FOXO3: variants seen among roughly 807,000 people sequenced by gnomAD.
FOXO3 encodes forkhead box O3.
In FOXO3, 4 loss-of-function variants were observed where a neutral mutation model predicts 41.9. The observed-to-expected ratio is 0.10, with a 90% CI of 0.05 to 0.22. FOXO3 has a LOEUF of 0.22. Ranked by LOEUF, FOXO3 falls within the 10% of genes least tolerant of loss-of-function variation. The pLI, the probability that FOXO3 is intolerant of heterozygous loss-of-function variation, is 1.00. For synonymous variants in FOXO3, 318 were observed against 389.3 expected (o/e 0.82, Z 2.16); for missense variants, 534 against 906.8 (o/e 0.59, Z 5.28).
At chr6:108,570,612 G>A (rs183603071) in intron 1 of FOXO3, among the ~76,000 whole-genome samples, 2 of 152,278 alleles carry the variant, frequency 1.3e-5, no homozygotes, top group African/African-American at 2.4e-5. Flanking sequence ...ATAAACATGA[G>A]CCCCTGCAAC....
At chr6:108,656,498 C>T (rs1778692822) in intron 1 of FOXO3, 1 of 985,414 alleles carries the variant, frequency 1.0e-6, no homozygotes, top group South Asian at 4.7e-5. Flanking sequence ...AGGGGCCGCC[C>T]TGGAACCTTT....
intron 1 of FOXO3, among the ~76,000 whole-genome samples, chr6:108,621,150 A>G (rs1262606919): frequency 1.3e-5 from 2 of 152,234 alleles, no homozygotes; most frequent in Non-Finnish European, 2.9e-5. Context: ...CACATTCTGT[A>G]CTGCTTAGTG....
chr6:108,660,275 A>G (rs1029851480), intron 1 of FOXO3, among the ~76,000 whole-genome samples: 2 of 152,142 alleles, frequency 1.3e-5, no homozygotes, highest in Non-Finnish European at 2.9e-5. Flanking sequence ...TTGCATAGAG[A>G]AATTGTTTTA....
chr6:108,638,401 A>G (rs1374534695), intron 1 of FOXO3, among the ~76,000 whole-genome samples: 9 of 152,210 alleles, frequency 5.9e-5, no homozygotes, highest in Admixed American at 2.0e-4. Flanking sequence ...AAGAGAACAC[A>G]TTGGGATCAG....
chr6:108,662,709 C>T (rs1403099543), intron 1 of FOXO3, among the ~76,000 whole-genome samples: 2 of 152,178 alleles, frequency 1.3e-5, no homozygotes, highest in Non-Finnish European at 2.9e-5. Context: ...TAAAATAGCC[C>T]TCCACCAGGT....
At chr6:108,645,123 G>T (rs1247057041) in intron 1 of FOXO3, among the ~76,000 whole-genome samples, 1 of 152,114 alleles carries the variant, frequency 6.6e-6, no homozygotes. Context: ...TTATTTTTTA[G>T]ATTTGATGCT....
intron 1 of FOXO3, among the ~76,000 whole-genome samples, chr6:108,585,020 A>ATTTTTT (rs1562233938): frequency 5.5e-4 from 24 of 43,410 alleles, no homozygotes; most frequent in Admixed American, 8.2e-4. Context: ...TATCTCCAAA[A>ATTTTTT]TCTTTTTTTT....
At position 108,561,391 on chromosome 6, in the gene FOXO3, G is replaced by A. The variant is rs748617563; in HGVS notation, c.183G>A (p.Glu61=). Residue 61 remains glutamate, a synonymous_variant, in exon 1 of 3, where the codon GAG becomes GAA. Coordinates refer to ENST00000406360, the MANE Select transcript of FOXO3 (RefSeq NM_001455.4). ...TAADSMIPEE[E]DDEDDEDGGG... is the part of the protein sequence containing the mutation. The stretch of plus-strand genomic sequence containing the variant: ...CCGACTCCATGATCCCCGAGGAGGA[G>A]GACGATGAAGACGACGAGGACGGCG... 1 of 1,551,538 alleles carries A rather than the reference G, an allele frequency of 6.4e-7. No individual in the cohort carries two copies. Among genetic ancestry groups the A allele is most frequent in the Middle Eastern group, 2.3e-4 (1 of 4,368 alleles).
intron 1 of FOXO3, among the ~76,000 whole-genome samples, chr6:108,624,824 C>T (rs1408269182): frequency 6.6e-6 from 1 of 152,030 alleles, no homozygotes; most frequent in Non-Finnish European, 1.5e-5. Flanking sequence ...GAGTCTTGCT[C>T]TGTTGCCCAG....
At chr6:108,623,576 G>T (rs1281387515) in intron 1 of FOXO3, among the ~76,000 whole-genome samples, 1 of 152,108 alleles carries the variant, frequency 6.6e-6, no homozygotes, top group Non-Finnish European at 1.5e-5. Context: ...TTGCTCCTGG[G>T]TGTTTGATGT....
chr6:108,570,219 T>G (rs1268465343), intron 1 of FOXO3, among the ~76,000 whole-genome samples: 2 of 152,150 alleles, frequency 1.3e-5, no homozygotes, highest in Admixed American at 1.3e-4. Context: ...CAGGATGGTC[T>G]TGATCTGCTG....
At chr6:108,569,500 G>A (rs562495463) in intron 1 of FOXO3, among the ~76,000 whole-genome samples, 31 of 152,276 alleles carry the variant, frequency 2.0e-4, no homozygotes, top group African/African-American at 7.2e-4. Context: ...TCTATAATTC[G>A]CTTGTTCCAC....
At chr6:108,650,181 C>A (rs2128382262) in intron 1 of FOXO3, among the ~76,000 whole-genome samples, 1 of 152,280 alleles carries the variant, frequency 6.6e-6, no homozygotes, top group South Asian at 2.1e-4. Context: ...AGGGGTCCTG[C>A]ATCCTCAGGA....
chr6:108,669,787 T>A (rs62428930), intron 2 of FOXO3, among the ~76,000 whole-genome samples: 4,528 of 152,268 alleles, frequency 0.03, 101 homozygotes, highest in Non-Finnish European at 0.045. Flanking sequence ...CCTGGGCCTG[T>A]TGGTTTTATA....
chr6:108,632,801 T>TC (rs1179072879), intron 1 of FOXO3, among the ~76,000 whole-genome samples: 61 of 152,326 alleles, frequency 4.0e-4, no homozygotes, highest in African/African-American at 1.3e-3. Flanking sequence ...AGTATTTTTT[T>TC]CCCCTTCTTT....
Position 108,561,237 on chromosome 6 carries a change from C to G in FOXO3, c.29C>G (p.Pro10Arg). 6.4e-7 allele frequency: 1 copy of G among 1,562,522 alleles called. No homozygotes were observed. The highest frequency in any genetic ancestry group is 2.3e-4 in the Middle Eastern group (1 of 4,356). Residue 10 changes from proline (P) to arginine (R), a missense_variant, in exon 1 of 3, where the codon CCG becomes CGG. Transcript: ENST00000406360. ...GCAGAGGCACCGGCTTCCCCGGCCC[C>G]GCTCTCTCCGCTCGAAGTGGAGCTG... MAEAPASPA[P>R]LSPLEVELDP...
chr6:108,622,785 A>G (rs1004874768), intron 1 of FOXO3, among the ~76,000 whole-genome samples: 2 of 152,078 alleles, frequency 1.3e-5, no homozygotes, highest in African/African-American at 4.8e-5. Flanking sequence ...CAAGGGTGGC[A>G]GCAGCAATAG....
At chr6:108,591,001 G>T (rs1245440762) in intron 1 of FOXO3, among the ~76,000 whole-genome samples, 1 of 152,154 alleles carries the variant, frequency 6.6e-6, no homozygotes, top group Non-Finnish European at 1.5e-5. Flanking sequence ...GAGTAGACAG[G>T]CAACAGCCTT....
intron 1 of FOXO3, among the ~76,000 whole-genome samples, chr6:108,610,886 C>A (rs1777342624): frequency 6.6e-6 from 1 of 152,154 alleles, no homozygotes; most frequent in Non-Finnish European, 1.5e-5. Context: ...TTTGAAAACA[C>A]TGAAATTTAC....
Sources: allele counts gnomAD v4.1 joint callset (sites outside exome capture counted in the v4.1 genomes callset), GRCh38; gene constraint gnomAD v4.1.1; transcripts MANE v1.5; gene names NCBI Gene and HGNC (gene_info 2026-07-23, HGNC 2026-07-21).